Variants in CERK observed in about 807,000 individuals in gnomAD.
CERK encodes the protein acylsphingosine kinase.
CERK carries 39 observed loss-of-function variants against 63.4 expected under a neutral mutation model. The observed-to-expected ratio is 0.61, with a 90% CI of 0.48 to 0.80. The LOEUF is 0.80. CERK is among the 30% of genes least tolerant of loss of function. The pLI, the probability that CERK is intolerant of heterozygous loss-of-function variation, is 0.00. For missense variants in CERK, 670 were observed against 714.1 expected (o/e 0.94, Z 0.70); for synonymous variants, 302 against 280.0 (o/e 1.08, Z -0.78).
chr22:46,707,840 T>C lies in CERK; in HGVS notation c.715+3A>G, dbSNP rs371720417. On this transcript the variant is annotated splice_donor_region_variant and intron_variant, in intron 6 of 12. Coordinates refer to ENST00000216264, the MANE Select transcript of CERK (RefSeq NM_022766.6). ...AACAGAGAATGCCAGGCCGGCTCCA[T>C]ACCTGCGGGAATGATTCCAATCCGG... 4.1e-5 allele frequency: 66 copies of C among 1,603,656 alleles called. No homozygotes were observed. The African/African-American group carries it at 7.8e-4, about 19-fold the overall frequency.
intron 7 of CERK, among the ~76,000 whole-genome samples, chr22:46,700,993 A>G (rs2082780714): frequency 6.6e-6 from 1 of 152,074 alleles, no homozygotes; most frequent in Non-Finnish European, 1.5e-5. Context: ...CCTGGGGACA[A>G]CTGGGAAACT....
intron 3 of CERK, among the ~76,000 whole-genome samples, chr22:46,713,076 T>C (rs553734090): frequency 1.4e-4 from 22 of 152,202 alleles, no homozygotes; most frequent in African/African-American, 5.1e-4. Context: ...CATTTTCTTA[T>C]AACAACTTCC....
intron 1 of CERK, among the ~76,000 whole-genome samples, chr22:46,723,023 G>A (rs2082900343): frequency 6.6e-6 from 1 of 152,212 alleles, no homozygotes; most frequent in Non-Finnish European, 1.5e-5. Context: ...GAGGGATAAG[G>A]ATCCCACTTG....
At chr22:46,702,680 C>T (rs1463265727) in intron 6 of CERK, among the ~76,000 whole-genome samples, 3 of 152,260 alleles carry the variant, frequency 2.0e-5, no homozygotes, top group South Asian at 2.1e-4. Flanking sequence ...ACAGGCAGCT[C>T]AGGTCCCTGC....
At chr22:46,705,414 G>A (rs905769240) in intron 6 of CERK, among the ~76,000 whole-genome samples, 3 of 152,228 alleles carry the variant, frequency 2.0e-5, no homozygotes, top group African/African-American at 7.2e-5. Flanking sequence ...GCTCATGCCT[G>A]TAATCCCAGC....
At chr22:46,728,750 G>A (rs767125749) in intron 1 of CERK, among the ~76,000 whole-genome samples, 3 of 152,248 alleles carry the variant, frequency 2.0e-5, no homozygotes, top group Non-Finnish European at 4.4e-5. Context: ...AGAGGCCAGC[G>A]TGCAGAGTCA....
intron 10 of CERK, 121 bp from the exon 11 acceptor site, chr22:46,691,898 G>A: frequency 1.5e-6 from 1 of 664,844 alleles, no homozygotes; most frequent in Non-Finnish European, 2.6e-6. Context: ...GACACTTCAT[G>A]CAATCGACTC....
chr22:46,702,964 A>G (rs1438333003), intron 6 of CERK, among the ~76,000 whole-genome samples: 1 of 152,176 alleles, frequency 6.6e-6, no homozygotes, highest in African/African-American at 2.4e-5. Context: ...AGTAACGACC[A>G]ACCACATGCT....
chr22:46,708,949 A>C (rs1213223064), intron 5 of CERK, among the ~76,000 whole-genome samples: 1 of 152,096 alleles, frequency 6.6e-6, no homozygotes, highest in African/African-American at 2.4e-5. Flanking sequence ...CCCATTCCCC[A>C]GTGGGTCTGT....
chr22:46,719,721 G>A (rs1166125916), intron 3 of CERK, among the ~76,000 whole-genome samples: 6 of 152,204 alleles, frequency 3.9e-5, no homozygotes, highest in Admixed American at 3.9e-4. Context: ...ATCCCAGACA[G>A]ATGTGAGGTG....
chr22:46,720,966 G>C lies in CERK; in HGVS notation c.192C>G (p.Asp64Glu). ...VSEIIAVEET[D>E]VHGKHQGSGK... The stretch of plus-strand genomic sequence containing the variant: ...CACTGCCTTGATGTTTCCCGTGAAC[G>C]TCTGTTTCCTCAACGGCGATGATCT... The change falls in exon 2 of 13, where the codon GAC becomes GAG. Residue 64 changes from aspartate (D) to glutamate (E), a missense_variant. Coordinates refer to ENST00000216264, the MANE Select transcript of CERK (RefSeq NM_022766.6). 6.2e-7 allele frequency: 1 copy of C among 1,613,664 alleles called. No homozygotes were observed. Among genetic ancestry groups the C allele is most frequent in the Non-Finnish European group, 8.5e-7 (1 of 1,179,708 alleles).
chr22:46,736,341 C>G (rs747592054), intron 1 of CERK, among the ~76,000 whole-genome samples: 18 of 152,214 alleles, frequency 1.2e-4, no homozygotes, highest in Non-Finnish European at 2.5e-4. Context: ...GGCGTCTCTG[C>G]GGCGGCTGGA....
intron 7 of CERK, among the ~76,000 whole-genome samples, chr22:46,700,191 C>T (rs1343810807): frequency 3.3e-5 from 5 of 150,896 alleles, no homozygotes; most frequent in African/African-American, 7.3e-5. Context: ...GTCAGGAGTT[C>T]GAGACCAGCC....
chr22:46,734,063 C>CATATATATATAT (rs1429583176), intron 1 of CERK, among the ~76,000 whole-genome samples: 127 of 100,792 alleles, frequency 1.3e-3, no homozygotes, highest in African/African-American at 4.0e-3. Context: ...TATATACATA[C>CATATATATATAT]ATACATATAT....
intron 3 of CERK, among the ~76,000 whole-genome samples, chr22:46,718,474 T>G (rs1601724224): frequency 6.6e-6 from 1 of 152,020 alleles, no homozygotes; most frequent in Non-Finnish European, 1.5e-5. Context: ...GGAACGGGGC[T>G]TGTGGTGGTT....
chr22:46,732,851 A>C (rs546168675), intron 1 of CERK, among the ~76,000 whole-genome samples: 1 of 152,022 alleles, frequency 6.6e-6, no homozygotes, highest in Non-Finnish European at 1.5e-5. Context: ...ATCCATTGCC[A>C]TTTGTCTAAT....
At chr22:46,689,707 G>A (rs576908664) in intron 12 of CERK, among the ~76,000 whole-genome samples, 2 of 152,168 alleles carry the variant, frequency 1.3e-5, no homozygotes, top group Non-Finnish European at 2.9e-5. Flanking sequence ...GGAGCACAGG[G>A]TGTGGAAGAG....
chr22:46,697,261 C>G (rs2082761075), intron 8 of CERK, among the ~76,000 whole-genome samples: 1 of 151,938 alleles, frequency 6.6e-6, no homozygotes, highest in South Asian at 2.1e-4. Context: ...GACCGGGCAG[C>G]GAGAATGGCA....
intron 8 of CERK, among the ~76,000 whole-genome samples, chr22:46,695,647 T>G (rs1429868731): frequency 6.6e-6 from 1 of 152,250 alleles, no homozygotes; most frequent in African/African-American, 2.4e-5. Flanking sequence ...ATGTGGCCTG[T>G]GGGCTCCAGT....
Sources: allele counts gnomAD v4.1 joint callset (sites outside exome capture counted in the v4.1 genomes callset), GRCh38; gene constraint gnomAD v4.1.1; transcripts MANE v1.5; gene names NCBI Gene and HGNC (gene_info 2026-07-23, HGNC 2026-07-21).